Variants in PCDHA3 observed in about 807,000 individuals in gnomAD.
PCDHA3 encodes protocadherin alpha 3.
In PCDHA3, 41 loss-of-function variants were observed where a neutral mutation model predicts 62.2. The observed-to-expected ratio is 0.66, with a 90% CI of 0.51 to 0.86. PCDHA3 has a LOEUF of 0.86. Ranked by LOEUF, PCDHA3 falls within the 40% of genes least tolerant of loss-of-function variation. The probability of loss-of-function intolerance (pLI) is 0.00; values close to 1 mark genes in which losing one functional copy is unlikely to be tolerated. For missense variants in PCDHA3, 1,304 were observed against 1,241.2 expected (o/e 1.05, Z -0.76); for synonymous variants, 640 against 555.4 (o/e 1.15, Z -2.14).
At chr5:140,875,905 T>A (rs1554168057) in intron 1 of PCDHA3, 1 of 1,614,222 alleles carries the variant, frequency 6.2e-7, no homozygotes, top group Admixed American at 1.7e-5. Flanking sequence ...TGTTTCTGAA[T>A]CTGCGCCTCT....
chr5:140,980,963 A>T (rs1047334103), intron 2 of PCDHA3, among the ~76,000 whole-genome samples: 8 of 152,224 alleles, frequency 5.3e-5, no homozygotes, highest in African/African-American at 1.9e-4. Context: ...TTACACCTTC[A>T]TGAATCTGAC....
At chr5:140,810,154 T>C (rs1764605759) in intron 1 of PCDHA3, 1 of 152,414 alleles carries the variant, frequency 6.6e-6, no homozygotes, top group South Asian at 2.1e-4. Flanking sequence ...TATGAAATTA[T>C]CCATGTTGTT....
intron 1 of PCDHA3, chr5:140,851,866 C>T (rs1486270411): frequency 2.0e-6 from 2 of 976,572 alleles, no homozygotes; most frequent in South Asian, 9.5e-5. Flanking sequence ...TCATACATAA[C>T]ACAAGGCAGA....
rs2150464211 is a variant in PCDHA3 at position 140,850,028 on chromosome 5, C to T, written c.2394+46437C>T. 1.0e-5 allele frequency: 16 copies of T among 1,596,676 alleles called. 1 individual carries two copies. Among genetic ancestry groups the T allele is most frequent in the East Asian group, 2.2e-5 (1 of 44,848 alleles). On this transcript the variant is annotated intron_variant, in intron 1 of 3. Coordinates refer to ENST00000522353, the MANE Select transcript of PCDHA3 (RefSeq NM_018906.3). The stretch of plus-strand genomic sequence containing the variant: ...CGCTGTCGAGCTACGTGTCAGTGCA[C>T]GCGGAGAGCGGCAAGGTGTACGCGC...
At chr5:140,836,196 G>A (rs1480850746) in intron 1 of PCDHA3, 3 of 1,613,832 alleles carry the variant, frequency 1.9e-6, no homozygotes, top group Admixed American at 1.7e-5. Flanking sequence ...AGGCTACAAC[G>A]CGTGGCTTTC....
chr5:140,803,079 A>C lies in PCDHA3; in HGVS notation c.1882A>C (p.Thr628Pro), dbSNP rs1407582648. The C allele has an allele frequency of 4.3e-6, 7 of 1,613,834 alleles. No individual in the cohort carries two copies. The African/African-American group carries it at 6.7e-5, about 15-fold the overall frequency. ...ARIPFRVGLY[T>P]GEISTTRALD... is the part of the protein sequence containing the mutation. The stretch of plus-strand genomic sequence containing the variant: ...CATCCCGTTTCGCGTGGGGCTGTAC[A>C]CGGGAGAGATCAGCACGACCCGTGC... Residue 628 changes from threonine (T) to proline (P), a missense_variant, in exon 1 of 4, where the codon ACG becomes CCG. By Grantham distance (38) the Thr-to-Pro change is conservative. Coordinates refer to ENST00000522353, the MANE Select transcript of PCDHA3 (RefSeq NM_018906.3).
At chr5:140,989,777 A>G (rs1406464822) in intron 3 of PCDHA3, among the ~76,000 whole-genome samples, 2 of 152,230 alleles carry the variant, frequency 1.3e-5, no homozygotes, top group African/African-American at 4.8e-5. Context: ...AGCACTGGCT[A>G]GAGACTAGAG....
Position 140,842,885 on chromosome 5 carries a change from C to T in PCDHA3, c.2394+39294C>T. 2 of 1,594,162 alleles carry T rather than the reference C, an allele frequency of 1.3e-6. 1 individual carries two copies. The highest frequency in any genetic ancestry group is 1.7e-6 in the Non-Finnish European group (2 of 1,165,432). On this transcript the variant is annotated intron_variant, in intron 1 of 3. Coordinates refer to ENST00000522353, the MANE Select transcript of PCDHA3 (RefSeq NM_018906.3). Reference sequence around the variant, plus strand: ...GAGCGGCAAGGTGTACGCGCTGCAGCCGCTGGACCACGAGGAGCTAGAGCT... The same window carrying T: ...GAGCGGCAAGGTGTACGCGCTGCAGTCGCTGGACCACGAGGAGCTAGAGCT...
intron 1 of PCDHA3, among the ~76,000 whole-genome samples, chr5:140,913,742 T>C (rs2153527691): frequency 6.6e-6 from 1 of 152,276 alleles, no homozygotes; most frequent in Non-Finnish European, 1.5e-5. Flanking sequence ...ATAGTACTCC[T>C]TTTGTTGTAT....
At chr5:140,822,179 A>G (rs1767221241) in intron 1 of PCDHA3, 1 of 1,614,222 alleles carries the variant, frequency 6.2e-7, no homozygotes, top group Non-Finnish European at 8.5e-7. Flanking sequence ...TTCTCCAGAC[A>G]AGAACAAAGA....
At chr5:140,889,733 A>T (rs192682337) in intron 1 of PCDHA3, among the ~76,000 whole-genome samples, 1 of 152,316 alleles carries the variant, frequency 6.6e-6, no homozygotes, top group Admixed American at 6.5e-5. Context: ...CTCACTGAGT[A>T]GCAGAGTCTA....
At chr5:140,894,503 T>C (rs934592222) in intron 1 of PCDHA3, among the ~76,000 whole-genome samples, 1 of 152,016 alleles carries the variant, frequency 6.6e-6, no homozygotes. Context: ...TTAGGCATTA[T>C]CCATAGTGTT....
intron 1 of PCDHA3, chr5:140,877,898 A>G: frequency 6.9e-7 from 1 of 1,445,150 alleles, no homozygotes. Context: ...CGTTTAGGTT[A>G]TAACTACATT....
chr5:140,808,046 C>T (rs1764088049), intron 1 of PCDHA3: 1 of 1,613,822 alleles, frequency 6.2e-7, no homozygotes, highest in Admixed American at 1.7e-5. Context: ...TGATATTTCG[C>T]CAAATGTGAA....
chr5:140,883,870 G>A, intron 1 of PCDHA3: 1 of 1,613,302 alleles, frequency 6.2e-7, no homozygotes. Flanking sequence ...TGCAGTTCCA[G>A]GTGAGCGCGC....
At position 140,892,541 on chromosome 5, in the gene PCDHA3, T is replaced by C. The variant is rs192378744; in HGVS notation, c.2395-86408T>C. Among the ~76,000 whole-genome samples, 471 of 152,362 alleles carry C rather than the reference T, an allele frequency of 3.1e-3. 2 individuals are homozygous for C. Among genetic ancestry groups the C allele is most frequent in the African/African-American group, 0.011 (438 of 41,580 alleles). On this transcript the variant is annotated intron_variant, in intron 1 of 3. Coordinates refer to ENST00000522353, the MANE Select transcript of PCDHA3 (RefSeq NM_018906.3). ...CTGGTAGACTCAGGATTCTGACTTTTGTTTCTCTAGTCCTTGGAGACTGTC... is the reference window on the plus strand; with the variant it reads ...CTGGTAGACTCAGGATTCTGACTTTCGTTTCTCTAGTCCTTGGAGACTGTC...
intron 1 of PCDHA3, chr5:140,809,039 G>T (rs782455641): frequency 1.2e-6 from 2 of 1,613,744 alleles, no homozygotes; most frequent in African/African-American, 1.3e-5. Context: ...GACTGGTGGC[G>T]CGCGCATCCC....
At chr5:140,875,233 G>C in intron 1 of PCDHA3, 2 of 863,878 alleles carry the variant, frequency 2.3e-6, no homozygotes, top group Non-Finnish European at 3.3e-6. Context: ...GATCTTTCTT[G>C]TACTTACATA....
chr5:140,968,363 G>A, intron 1 of PCDHA3: 1 of 1,614,090 alleles, frequency 6.2e-7, no homozygotes, highest in Non-Finnish European at 8.5e-7. Flanking sequence ...CAGCCTTTAT[G>A]CTGTCAACTC....
Sources: allele counts gnomAD v4.1 joint callset (sites outside exome capture counted in the v4.1 genomes callset), GRCh38; gene constraint gnomAD v4.1.1; transcripts MANE v1.5; gene names NCBI Gene and HGNC (gene_info 2026-07-23, HGNC 2026-07-21).